CNTN5: variants seen among roughly 807,000 people sequenced by gnomAD.
CNTN5 encodes contactin-5.
A neutral mutation model predicts 129.1 loss-of-function variants in CNTN5; 77 were observed. The observed-to-expected ratio is 0.60, with a 90% CI of 0.50 to 0.72. CNTN5 has a LOEUF of 0.72. CNTN5 is among the 30% of genes least tolerant of loss of function. CNTN5 has a pLI of 0.00. For synonymous variants in CNTN5, 509 were observed against 465.6 expected (o/e 1.09, Z -1.20); for missense variants, 1,478 against 1,328.8 (o/e 1.11, Z -1.75).
At chr11:99,866,262 A>G (rs1227224854) in intron 6 of CNTN5, among the ~76,000 whole-genome samples, 1 of 152,186 alleles carries the variant, frequency 6.6e-6, no homozygotes, top group African/African-American at 2.4e-5. Flanking sequence ...TTGGGGAATG[A>G]CACAACTCAG....
At chr11:99,476,514 T>C (rs1433184856) in intron 2 of CNTN5, among the ~76,000 whole-genome samples, 1 of 152,168 alleles carries the variant, frequency 6.6e-6, no homozygotes. Flanking sequence ...GATAGGAAAT[T>C]ATAGTGCACA....
At chr11:99,984,101 C>G (rs1052667576) in intron 8 of CNTN5, among the ~76,000 whole-genome samples, 5 of 151,828 alleles carry the variant, frequency 3.3e-5, no homozygotes, top group African/African-American at 9.7e-5. Flanking sequence ...AACCCCATTT[C>G]TACTAAAAAT....
chr11:100,349,708 G>A (rs907569966), intron 23 of CNTN5, among the ~76,000 whole-genome samples: 2 of 151,644 alleles, frequency 1.3e-5, no homozygotes, highest in African/African-American at 4.8e-5. Context: ...TTATGAAAAA[G>A]CACAAAAAAC....
intron 2 of CNTN5, among the ~76,000 whole-genome samples, chr11:99,410,362 T>C (rs1183651513): frequency 6.6e-6 from 1 of 152,098 alleles, no homozygotes; most frequent in Non-Finnish European, 1.5e-5. Flanking sequence ...AGGACAAGAA[T>C]TAACTTACAG....
At chr11:100,024,724 C>T (rs1167189442) in intron 9 of CNTN5, among the ~76,000 whole-genome samples, 2 of 152,076 alleles carry the variant, frequency 1.3e-5, no homozygotes, top group African/African-American at 2.4e-5. Flanking sequence ...TTTGTCCCTG[C>T]CCTAGAGATC....
At chr11:99,372,948 C>T (rs1043656779) in intron 2 of CNTN5, among the ~76,000 whole-genome samples, 1 of 152,212 alleles carries the variant, frequency 6.6e-6, no homozygotes, top group Non-Finnish European at 1.5e-5. Flanking sequence ...GTGGCTCACG[C>T]CTATAATCCC....
intron 3 of CNTN5, among the ~76,000 whole-genome samples, chr11:99,581,957 C>T (rs1360607006): frequency 1.3e-5 from 2 of 151,988 alleles, no homozygotes; most frequent in Non-Finnish European, 2.9e-5. Flanking sequence ...TTTGCAGTGG[C>T]TGGTACCAGT....
At chr11:99,827,755 T>C (rs764901276) in intron 4 of CNTN5, among the ~76,000 whole-genome samples, 4 of 152,122 alleles carry the variant, frequency 2.6e-5, no homozygotes, top group Non-Finnish European at 4.4e-5. Flanking sequence ...ATGGCTCCTT[T>C]ATACAATTAC....
intron 7 of CNTN5, among the ~76,000 whole-genome samples, chr11:99,934,113 T>G (rs1489652160): frequency 6.6e-6 from 1 of 152,258 alleles, no homozygotes; most frequent in East Asian, 1.9e-4. Context: ...TATGTTTTTC[T>G]TCTGTGTGAA....
At chr11:99,126,486 G>C (rs920921511) in intron 1 of CNTN5, among the ~76,000 whole-genome samples, 4 of 152,186 alleles carry the variant, frequency 2.6e-5, no homozygotes, top group African/African-American at 9.6e-5. Flanking sequence ...TGAATAGGTA[G>C]AGGAACTGGT....
At chr11:99,727,497 T>C (rs1243487473) in intron 3 of CNTN5, among the ~76,000 whole-genome samples, 1 of 151,882 alleles carries the variant, frequency 6.6e-6, no homozygotes, top group African/African-American at 2.4e-5. Context: ...TCATAGTTAT[T>C]ATATTATCCC....
chr11:99,170,172 G>A (rs936676749), intron 1 of CNTN5, among the ~76,000 whole-genome samples: 1 of 151,928 alleles, frequency 6.6e-6, no homozygotes, highest in Non-Finnish European at 1.5e-5. Flanking sequence ...CGTTTATATA[G>A]CAGATAATAT....
chr11:100,040,417 T>C (rs1017789164), intron 9 of CNTN5, among the ~76,000 whole-genome samples: 1 of 152,180 alleles, frequency 6.6e-6, no homozygotes, highest in Non-Finnish European at 1.5e-5. Flanking sequence ...TCGGGGGTCA[T>C]GGACCCACTT....
chr11:100,027,917 AT>A (rs1328346974), intron 9 of CNTN5, among the ~76,000 whole-genome samples: 1 of 152,166 alleles, frequency 6.6e-6, no homozygotes, highest in Non-Finnish European at 1.5e-5. Flanking sequence ...TATTTAGCTA[AT>A]TTTTCTCATT....
chr11:100,270,092 T>C (rs1325030754), intron 17 of CNTN5, among the ~76,000 whole-genome samples: 6 of 152,162 alleles, frequency 3.9e-5, no homozygotes, highest in Non-Finnish European at 8.8e-5. Context: ...TGTCTTCATG[T>C]CACTGCTTTA....
chr11:99,487,439 A>G (rs999804994), intron 2 of CNTN5, among the ~76,000 whole-genome samples: 1 of 152,216 alleles, frequency 6.6e-6, no homozygotes, highest in African/African-American at 2.4e-5. Flanking sequence ...GTCTGATGCC[A>G]AGATCTTATC....
intron 2 of CNTN5, among the ~76,000 whole-genome samples, chr11:99,345,799 C>T (rs1465119666): frequency 6.6e-6 from 1 of 152,024 alleles, no homozygotes. Context: ...GTAAAATATG[C>T]CTTTCATTTT....
chr11:99,251,526 A>C, intron 1 of CNTN5, among the ~76,000 whole-genome samples: 1 of 151,948 alleles, frequency 6.6e-6, no homozygotes, highest in Non-Finnish European at 1.5e-5. Flanking sequence ...TAATTTATAC[A>C]ATAAATGTAG....
Position 99,844,900 on chromosome 11 carries a change from T to C in CNTN5, c.326T>C (p.Ile109Thr), listed in dbSNP as rs775312762. 4 of 1,613,824 alleles carry C rather than the reference T, an allele frequency of 2.5e-6. No homozygotes were observed. Among genetic ancestry groups the C allele is most frequent in the Non-Finnish European group, 3.4e-6 (4 of 1,179,764 alleles). Residue 109 changes from isoleucine to threonine, a missense_variant, in exon 5 of 25, where the codon ATT (isoleucine) becomes ACT (threonine). Coordinates refer to ENST00000524871, the MANE Select transcript of CNTN5 (RefSeq NM_014361.4). ...PVFVQEPDDIIFPTDSDEKKV... is the reference protein window; with the variant it reads ...PVFVQEPDDITFPTDSDEKKV... The stretch of plus-strand genomic sequence containing the variant: ...TTTGTGCAAGAACCAGATGATATTA[T>C]TTTTCCAACTGATTCTGATGAAAAG...
Sources: allele counts gnomAD v4.1 joint callset (sites outside exome capture counted in the v4.1 genomes callset), GRCh38; gene constraint gnomAD v4.1.1; transcripts MANE v1.5; gene names NCBI Gene and HGNC (gene_info 2026-07-23, HGNC 2026-07-21).